Variants in RBM27 observed in about 807,000 individuals in gnomAD.
The protein encoded by RBM27 is RNA-binding protein 27.
A neutral mutation model predicts 135.3 loss-of-function variants in RBM27; 22 were observed. The ratio of observed to expected loss-of-function variants is 0.16; its 90% confidence interval spans 0.12 to 0.23. The LOEUF (loss-of-function observed/expected upper bound fraction) is 0.23. Ranked by LOEUF, RBM27 falls within the 10% of genes least tolerant of loss-of-function variation. RBM27 has a pLI of 1.00. For missense variants in RBM27, 1,009 were observed against 1,281.0 expected, an observed-to-expected ratio of 0.79 and a Z score of 3.24; for synonymous variants, 481 against 442.4, an observed-to-expected ratio of 1.09 and a Z score of -1.10.
In RBM27 at chr5:146,271,610, C is replaced by G; in HGVS notation, c.2924C>G (p.Pro975Arg). ...AATCACATGGTGGTGGACCATCGTC[C>G]CAAAGCACTAACAGTTGGAGGATTC... ...SLNHMVVDHR[P>R]KALTVGGFIE... Residue 975 changes from proline (P) to arginine (R), a missense_variant, in exon 19 of 21, where the codon CCC becomes CGC. This residue lies in a region of RBM27 where 355 missense variants were observed against 427.3 expected (regional missense o/e 0.83). Coordinates refer to ENST00000265271, the MANE Select transcript of RBM27 (RefSeq NM_018989.2). 1.2e-6 allele frequency: 2 copies of G among 1,613,890 alleles called. No individual in the cohort carries two copies. Among genetic ancestry groups the G allele is most frequent in the Non-Finnish European group, 1.7e-6 (2 of 1,179,904 alleles).
chr5:146,248,004 A>T (rs1396731725), intron 8 of RBM27, among the ~76,000 whole-genome samples: 2 of 152,200 alleles, frequency 1.3e-5, no homozygotes, highest in Non-Finnish European at 2.9e-5. Flanking sequence ...CCTGAAATGC[A>T]GTTTTTACAG....
In RBM27 at chr5:146,288,532, C is replaced by T. The variant is rs1759672186; in HGVS notation, c.*2502C>T. On this transcript the variant is annotated 3_prime_UTR_variant, in exon 21 of 21. Coordinates refer to ENST00000265271, the MANE Select transcript of RBM27 (RefSeq NM_018989.2). The stretch of plus-strand genomic sequence containing the variant: ...CCCCTGCCCCCTTTGGGATTTACTT[C>T]CACCATCAAATCTTCAACTGTTAGA... 1 of 152,072 alleles carries T rather than the reference C, an allele frequency of 6.6e-6. No individual in the cohort carries two copies. The highest frequency in any genetic ancestry group is 2.4e-5 in the African/African-American group (1 of 41,466). 9.4% of individuals were successfully genotyped at this position (152,072 alleles called of 1,614,324 possible). A position where few individuals can be genotyped will look rare whatever the true frequency, so the allele number is the denominator to read the frequency against.
In RBM27 at chr5:146,203,905, G is replaced by C. The variant is rs1180062967; in HGVS notation, c.59+81G>C. 2.4e-6 allele frequency: 3 copies of C among 1,261,758 alleles called. No homozygotes were observed. In the Admixed American group the frequency reaches 7.3e-5, roughly 31 times the overall value. The allele number at this position is 1,261,758 out of a possible 1,614,324, so 78.2% of individuals were successfully genotyped here. A position where few individuals can be genotyped will look rare whatever the true frequency, so the allele number is the denominator to read the frequency against. On this transcript the variant is annotated intron_variant, in intron 1 of 20. Transcript: ENST00000265271. ...GGGCGTGGGGGAGGGGAGGTGGCGT[G>C]GGGGGCGGCGCTGAGGGGCCGCGGC...
At chr5:146,276,359 G>A (rs554571565) in intron 19 of RBM27, among the ~76,000 whole-genome samples, 1 of 152,116 alleles carries the variant, frequency 6.6e-6, no homozygotes, top group Non-Finnish European at 1.5e-5. Flanking sequence ...AAAGTAAGAG[G>A]TTTATCTCTA....
Position 146,223,473 on chromosome 5 carries a change from A to T in RBM27, c.249A>T (p.Pro83=), listed in dbSNP as rs1284392758. The change falls in exon 3 of 21, where the codon CCA becomes CCT. Residue 83 remains proline, a synonymous_variant. Transcript: ENST00000265271. ...YTKNYLPLLE[P]VKPEPKPLVQ... The stretch of plus-strand genomic sequence containing the variant: ...AGAACTACCTTCCACTTTTGGAACC[A>T]GTAAAGCCTGAGCCAAAACCACTAG... 1.9e-6 allele frequency: 3 copies of T among 1,610,892 alleles called. No homozygotes were observed. In the South Asian group the frequency reaches 3.3e-5, roughly 18 times the overall value.
intron 7 of RBM27, among the ~76,000 whole-genome samples, chr5:146,235,027 G>A (rs1016020681): frequency 3.6e-4 from 21 of 58,874 alleles, no homozygotes; most frequent in African/African-American, 1.3e-3. Context: ...GCCAGACCCT[G>A]TCTCAAAAAT....
chr5:146,253,470 C>T (rs909648212), intron 9 of RBM27, among the ~76,000 whole-genome samples: 2 of 151,578 alleles, frequency 1.3e-5, no homozygotes, highest in African/African-American at 4.9e-5. Context: ...TAATTTTCAA[C>T]ATCATTTAAC....
chr5:146,274,831 A>G (rs1166385251), intron 19 of RBM27, among the ~76,000 whole-genome samples: 1 of 152,010 alleles, frequency 6.6e-6, no homozygotes, highest in East Asian at 1.9e-4. Flanking sequence ...TATTAATAGT[A>G]TGTATCAGAG....
chr5:146,268,718 G>A (rs1758731230), intron 15 of RBM27, among the ~76,000 whole-genome samples: 1 of 151,972 alleles, frequency 6.6e-6, no homozygotes, highest in African/African-American at 2.4e-5. Context: ...GAGTAGCTGA[G>A]TAGGCATGTG....
chr5:146,282,478 C>A (rs1205620561), intron 19 of RBM27, among the ~76,000 whole-genome samples: 1 of 152,020 alleles, frequency 6.6e-6, no homozygotes, highest in Admixed American at 6.6e-5. Context: ...TATTTTGGAT[C>A]AAAAATATTG....
At chr5:146,234,670 A>G (rs1003171251) in intron 7 of RBM27, among the ~76,000 whole-genome samples, 2 of 152,194 alleles carry the variant, frequency 1.3e-5, no homozygotes, top group South Asian at 2.1e-4. Context: ...TGAAAAAATT[A>G]TGGAATGAAT....
intron 11 of RBM27, 35 bp from the exon 12 acceptor site, chr5:146,260,707 TAGG>T (rs751819165): frequency 6.5e-5 from 100 of 1,527,988 alleles, no homozygotes; most frequent in Non-Finnish European, 8.0e-5. Context: ...AGGCATGAAG[TAGG>T]AGAATTAACC....
chr5:146,255,400 G>A lies in RBM27; in HGVS notation c.1594+308G>A, dbSNP rs1346681655. ...TGCTAGGCACTGTGTTAGATATTGT[G>A]TATAGAAAGATGAAATTACTGATCC... On this transcript the variant is annotated intron_variant, in intron 10 of 20. Coordinates refer to ENST00000265271, the MANE Select transcript of RBM27 (RefSeq NM_018989.2). Among the ~76,000 whole-genome samples the A allele has an allele frequency of 5.3e-5, 8 of 152,120 alleles. No homozygotes were observed. In the East Asian group the frequency reaches 1.5e-3, roughly 29 times the overall value.
chr5:146,239,775 C>CTTTT (rs754481130), intron 8 of RBM27, among the ~76,000 whole-genome samples: 2 of 119,422 alleles, frequency 1.7e-5, no homozygotes, highest in Admixed American at 9.1e-5. Context: ...CACGCCTGGA[C>CTTTT]TTTTTTTTTT....
intron 14 of RBM27, among the ~76,000 whole-genome samples, chr5:146,266,742 C>T (rs1758634689): frequency 6.6e-6 from 1 of 151,990 alleles, no homozygotes; most frequent in Non-Finnish European, 1.5e-5. Context: ...TTGAGACCAG[C>T]CTAGGCAACA....
At chr5:146,258,719 G>A in intron 11 of RBM27, 126 bp downstream of exon 11, 1 of 805,874 alleles carries the variant, frequency 1.2e-6, no homozygotes, top group Non-Finnish European at 1.8e-6. Context: ...AGGGTTCCAG[G>A]AGACATCTTT....
rs1395797750 is a variant in RBM27, at chr5:146,251,734, C to T, written c.1303C>T (p.His435Tyr). The change falls in exon 9 of 21, where the codon CAT (histidine) becomes TAT (tyrosine). Residue 435 changes from histidine to tyrosine, a missense_variant. His to Tyr is a moderately conservative substitution (Grantham distance 83). This residue lies in a region of RBM27 where 329 missense variants were observed against 368.1 expected (regional missense o/e 0.89). Transcript: ENST00000265271. ...AGGACAGCCCATGTACTCTCGTGAA[C>T]ATGGTGCTGCTGCATCTGAGCGACT... ...SERQPMYSRE[H>Y]GAAASERLQL... 6.2e-7 allele frequency: 1 copy of T among 1,612,594 alleles called. No homozygotes were observed. The highest frequency in any genetic ancestry group is 2.2e-5 in the East Asian group (1 of 44,876).
chr5:146,262,610 G>A (rs1039396881), intron 13 of RBM27, among the ~76,000 whole-genome samples: 1 of 152,126 alleles, frequency 6.6e-6, no homozygotes, highest in East Asian at 1.9e-4. Flanking sequence ...ACAGTACATG[G>A]CATCAACTCC....
intron 20 of RBM27, among the ~76,000 whole-genome samples, 173 bp from the exon 21 acceptor site, chr5:146,285,774 T>C (rs369048595): frequency 1.3e-5 from 2 of 150,774 alleles, no homozygotes; most frequent in South Asian, 4.2e-4. Flanking sequence ...CATATTCATT[T>C]ACAAAAATAT....
Sources: gnomAD v4.1 joint callset for allele counts (sites outside exome capture counted in the v4.1 genomes callset) on GRCh38, gnomAD v4.1.1 for gene constraint, gnomAD v4.1.1 regional missense constraint, MANE v1.5 for transcripts, NCBI Gene and HGNC (gene_info 2026-07-23, HGNC 2026-07-21) for gene names.